Variants in SLC23A2 observed in about 807,000 individuals in gnomAD.
The protein encoded by SLC23A2 is solute carrier family 23 member 2.
SLC23A2 carries 36 observed loss-of-function variants against 73.3 expected under a neutral mutation model. The ratio of observed to expected loss-of-function variants is 0.49; its 90% CI spans 0.38 to 0.65. SLC23A2 has a LOEUF of 0.65. Among genes scored for constraint, SLC23A2 ranks in the 30% least tolerant of loss-of-function variants. The pLI, the probability that SLC23A2 is intolerant of heterozygous loss-of-function variation, is 0.00. For missense variants in SLC23A2, 507 were observed against 841.6 expected (o/e 0.60, Z 4.92); for synonymous variants, 343 against 327.3 (o/e 1.05, Z -0.52).
Position 4,899,723 on chromosome 20 carries a change from G to C in SLC23A2, c.325-11C>G. On this transcript the variant is annotated splice_polypyrimidine_tract_variant and intron_variant, in intron 5 of 16. Transcript: ENST00000338244. This position sits in a 1 kb window ranked among gnomAD's most constrained non-coding sequence, Gnocchi z 4.9. ...GCATGTCAGGTAGTGCTGTGGGCAG[G>C]AAAAGGGTCAGAGGAGAAACAGTAA... 6.2e-7 allele frequency: 1 copy of C among 1,613,788 alleles called. No homozygotes were observed. The highest frequency in any genetic ancestry group is 8.5e-7 in the Non-Finnish European group (1 of 1,179,734).
At position 4,943,859 on chromosome 20, in the gene SLC23A2, C is replaced by A. The variant is rs188304606; in HGVS notation, c.-154-11143G>T. 1.8e-4 allele frequency among the ~76,000 whole-genome samples: 28 copies of A among 152,276 alleles called. No individual in the cohort carries two copies. In the East Asian group the frequency reaches 5.4e-3, roughly 29 times the overall value. On this transcript the variant is annotated intron_variant, in intron 2 of 16. Transcript: ENST00000338244. The stretch of plus-strand genomic sequence containing the variant: ...TAGTTAGCAACAAACCAGAGAGCGT[C>A]TGCTGACGTGCCCGACAGCACAAGG...
intron 15 of SLC23A2, among the ~76,000 whole-genome samples, chr20:4,861,369 C>T (rs1382232518): frequency 1.3e-5 from 2 of 152,168 alleles, no homozygotes; most frequent in Admixed American, 6.5e-5. Context: ...ATGTGAATTT[C>T]ACCCACAAAA....
chr20:4,877,603 C>G (rs1930710217), intron 9 of SLC23A2, among the ~76,000 whole-genome samples: 1 of 151,932 alleles, frequency 6.6e-6, no homozygotes, highest in African/African-American at 2.4e-5. Flanking sequence ...TAGGAGGGGA[C>G]TATTATTTTG....
At chr20:4,882,334 C>T (rs1416538606) in intron 9 of SLC23A2, among the ~76,000 whole-genome samples, 1 of 151,998 alleles carries the variant, frequency 6.6e-6, no homozygotes, top group Non-Finnish European at 1.5e-5. Context: ...AAGATCGCAC[C>T]ACTGCACTCC....
intron 2 of SLC23A2, among the ~76,000 whole-genome samples, chr20:4,943,063 A>G (rs1303939637): frequency 7.0e-6 from 1 of 142,772 alleles, no homozygotes; most frequent in Non-Finnish European, 1.5e-5. Flanking sequence ...AAAATAAAAC[A>G]TAAAATTCAT....
At chr20:4,895,822 G>A (rs940955276) in intron 6 of SLC23A2, among the ~76,000 whole-genome samples, 3 of 152,208 alleles carry the variant, frequency 2.0e-5, no homozygotes, top group African/African-American at 7.2e-5. Flanking sequence ...TGTCCTGAGT[G>A]AGATCTGGGT....
intron 13 of SLC23A2, among the ~76,000 whole-genome samples, chr20:4,867,107 A>C: frequency 7.1e-6 from 1 of 140,708 alleles, no homozygotes; most frequent in Admixed American, 7.4e-5. Context: ...TCCCTGCAGC[A>C]CTCCCTTCCA....
chr20:4,877,860 A>G (rs1010430770), intron 9 of SLC23A2, among the ~76,000 whole-genome samples: 1 of 152,272 alleles, frequency 6.6e-6, no homozygotes, highest in Non-Finnish European at 1.5e-5. Flanking sequence ...GCACTGTGCC[A>G]GAAAGAGCAG....
intron 2 of SLC23A2, among the ~76,000 whole-genome samples, chr20:4,959,800 T>A (rs984379921): frequency 6.6e-6 from 1 of 152,194 alleles, no homozygotes; most frequent in Non-Finnish European, 1.5e-5. Context: ...TTTTTATTTT[T>A]AGACACAGGG....
chr20:4,899,617 G>T lies in SLC23A2; in HGVS notation c.420C>A (p.Leu140=), dbSNP rs749255394. ...VGYDQWATSQ[L]IGTIFFCVGI... ...CCACACAGAAGAAAATGGTCCCAAT[G>T]AGCTGGCTGGTGGCCCACTGGTCGT... is the stretch of plus-strand genomic sequence containing the variant. Residue 140 remains leucine (L), a synonymous_variant, in exon 6 of 17, where the codon CTC becomes CTA. Coordinates refer to ENST00000338244, the MANE Select transcript of SLC23A2 (RefSeq NM_005116.6). The surrounding 1 kb of genome is among the most constrained non-coding windows in gnomAD (Gnocchi z 4.9). The T allele has an allele frequency of 6.2e-7, 1 of 1,614,158 alleles. No individual in the cohort carries two copies. Among genetic ancestry groups the T allele is most frequent in the Non-Finnish European group, 8.5e-7 (1 of 1,180,022 alleles).
At chr20:5,008,884 G>C (rs765236883) in intron 1 of SLC23A2, among the ~76,000 whole-genome samples, 2 of 151,978 alleles carry the variant, frequency 1.3e-5, no homozygotes, top group South Asian at 4.1e-4. Flanking sequence ...CCTTGTCTTT[G>C]GAAAGTTTAC....
At chr20:4,920,611 A>AT (rs1371579631) in intron 3 of SLC23A2, among the ~76,000 whole-genome samples, 2 of 152,230 alleles carry the variant, frequency 1.3e-5, no homozygotes. Context: ...ATCACTTTGC[A>AT]GTTATAAAAA....
chr20:4,871,284 G>A (rs1285713549), intron 11 of SLC23A2, among the ~76,000 whole-genome samples: 1 of 152,172 alleles, frequency 6.6e-6, no homozygotes, highest in Non-Finnish European at 1.5e-5. Context: ...AACTTCAAAT[G>A]GAGGCAAGCT....
At chr20:4,928,285 C>A (rs1932737041) in intron 3 of SLC23A2, among the ~76,000 whole-genome samples, 1 of 152,200 alleles carries the variant, frequency 6.6e-6, no homozygotes, top group South Asian at 2.1e-4. Flanking sequence ...AAGTGATCCT[C>A]CCACCTTGGC....
chr20:4,876,111 A>G (rs1318152622), intron 9 of SLC23A2, among the ~76,000 whole-genome samples: 1 of 152,250 alleles, frequency 6.6e-6, no homozygotes, highest in African/African-American at 2.4e-5. Context: ...CCTCTGGGAT[A>G]GTGAAGTTTA....
chr20:4,875,749 C>G lies in SLC23A2; in HGVS notation c.825-1053G>C, dbSNP rs756253967. ...TTTTACTCATCACCGAAACAAAACTCGTGCCCAACAATGCGTCTAAGCCTC... is the reference window on the plus strand; with the variant it reads ...TTTTACTCATCACCGAAACAAAACTGGTGCCCAACAATGCGTCTAAGCCTC... On this transcript the variant is annotated intron_variant, in intron 9 of 16. Coordinates refer to ENST00000338244, the MANE Select transcript of SLC23A2 (RefSeq NM_005116.6). 4.5e-4 allele frequency among the ~76,000 whole-genome samples: 68 copies of G among 152,194 alleles called. 1 individual carries two copies. Among genetic ancestry groups the G allele is most frequent in the Non-Finnish European group, 1.6e-4 (11 of 68,042 alleles).
At position 4,978,568 on chromosome 20, in the gene SLC23A2, T is replaced by C. The variant is rs182008717; in HGVS notation, c.-281-7649A>G. Among the ~76,000 whole-genome samples, 330 of 152,304 alleles carry C rather than the reference T, an allele frequency of 2.2e-3. 2 individuals carry two copies. Among genetic ancestry groups the C allele is most frequent in the African/African-American group, 7.5e-3 (311 of 41,560 alleles). ...ATGAACAAAAGGGGCTTAGAAATCC[T>C]GCAACCTGGCCCCCCATTGGCAATG... On this transcript the variant is annotated intron_variant, in intron 1 of 16. Transcript: ENST00000338244.
At chr20:4,898,733 T>G (rs898240654) in intron 6 of SLC23A2, among the ~76,000 whole-genome samples, 5 of 152,090 alleles carry the variant, frequency 3.3e-5, no homozygotes, top group Admixed American at 1.3e-4. Context: ...TTTAAGCTGG[T>G]GGCTGGAAAT....
chr20:4,902,388 G>A lies in SLC23A2; in HGVS notation c.324+54C>T. On this transcript the variant is annotated intron_variant, in intron 5 of 16. Transcript: ENST00000338244. This position sits in a 1 kb window ranked among gnomAD's most constrained non-coding sequence, Gnocchi z 4.0. ...TGGAATTTTTAAACAATTCCAGATG[G>A]TAGACAATGCAAACACCTGCTGGTA... 1 of 951,820 alleles carries A rather than the reference G, an allele frequency of 1.1e-6. No homozygotes were observed. The highest frequency in any genetic ancestry group is 2.5e-5 in the East Asian group (1 of 39,456). 59.0% of individuals were successfully genotyped at this position (951,820 alleles called of 1,614,324 possible).
Sources: gnomAD v4.1 joint callset for allele counts (sites outside exome capture counted in the v4.1 genomes callset) on GRCh38, gnomAD v4.1.1 for gene constraint, Gnocchi (gnomAD v3.1) non-coding constraint, MANE v1.5 for transcripts, NCBI Gene and HGNC (gene_info 2026-07-23, HGNC 2026-07-21) for gene names.